CACNA2D3: variants seen among roughly 807,000 people sequenced by gnomAD.
CACNA2D3 encodes the protein voltage-dependent calcium channel subunit alpha-2/delta-3.
In CACNA2D3, 60 loss-of-function variants were observed where a neutral mutation model predicts 160.6. That is an observed-to-expected ratio of 0.37 (90% CI 0.30 to 0.46). CACNA2D3 has a LOEUF of 0.46. Ranked by LOEUF, CACNA2D3 falls within the 20% of genes least tolerant of loss-of-function variation. The probability of loss-of-function intolerance (pLI) is 1.00; values close to 1 mark genes in which losing one functional copy is unlikely to be tolerated. For synonymous variants in CACNA2D3, 558 were observed against 492.9 expected (o/e 1.13, Z -1.75); for missense variants, 1,205 against 1,365.0 (o/e 0.88, Z 1.85).
intron 13 of CACNA2D3, among the ~76,000 whole-genome samples, chr3:54,811,150 C>G (rs546562177): frequency 3.9e-5 from 6 of 152,300 alleles, no homozygotes; most frequent in African/African-American, 1.4e-4. Flanking sequence ...TTCCAGCTGC[C>G]TACCCTACAC....
intron 2 of CACNA2D3, among the ~76,000 whole-genome samples, chr3:54,226,460 G>A (rs776808583): frequency 5.9e-5 from 9 of 151,924 alleles, no homozygotes; most frequent in Middle Eastern, 3.4e-3. Flanking sequence ...GTGCCACCAC[G>A]TCCAGCTAAT....
intron 2 of CACNA2D3, among the ~76,000 whole-genome samples, chr3:54,162,714 C>A (rs980600183): frequency 6.6e-6 from 1 of 152,100 alleles, no homozygotes; most frequent in Non-Finnish European, 1.5e-5. Flanking sequence ...GAACTAATAA[C>A]CTAGTAGGGA....
In CACNA2D3 at chr3:54,813,079, C is replaced by T. The variant is rs1175954501; in HGVS notation, c.1381-3774C>T. ...ATGTGAAGTGTCACCTGAAATGTATCCTGCACCCAGCTTTTTCTCAGGAGT... is the reference window on the plus strand; with the variant it reads ...ATGTGAAGTGTCACCTGAAATGTATTCTGCACCCAGCTTTTTCTCAGGAGT... On this transcript the variant is annotated intron_variant, in intron 13 of 37. Transcript: ENST00000474759. Among the ~76,000 whole-genome samples, 6 of 152,206 alleles carry T rather than the reference C, an allele frequency of 3.9e-5. No homozygotes were observed. In the East Asian group the frequency reaches 9.6e-4, roughly 24 times the overall value.
intron 35 of CACNA2D3, among the ~76,000 whole-genome samples, chr3:55,042,802 C>T (rs964675698): frequency 6.6e-6 from 1 of 152,098 alleles, no homozygotes; most frequent in African/African-American, 2.4e-5. Flanking sequence ...TCAATCCATT[C>T]CCCCAACCAC....
intron 2 of CACNA2D3, among the ~76,000 whole-genome samples, chr3:54,262,509 C>G (rs1362319732): frequency 6.6e-6 from 1 of 151,774 alleles, no homozygotes; most frequent in Non-Finnish European, 1.5e-5. Flanking sequence ...GAGTTTTTAC[C>G]CATTGTTTCA....
In CACNA2D3 at chr3:54,583,624, C is replaced by G. The variant is rs1349317758; in HGVS notation, c.963+1747C>G. 5.3e-5 allele frequency among the ~76,000 whole-genome samples: 8 copies of G among 152,264 alleles called. No individual in the cohort carries two copies. In the East Asian group the frequency reaches 1.5e-3, roughly 29 times the overall value. On this transcript the variant is annotated intron_variant, in intron 9 of 37. Transcript: ENST00000474759. The stretch of plus-strand genomic sequence containing the variant: ...CATCCCTAATCTGAAAATCTGAAAT[C>G]CGCAATGCTCCAATGAGCATTTCCT...
intron 4 of CACNA2D3, among the ~76,000 whole-genome samples, chr3:54,463,999 C>G (rs932035926): frequency 6.6e-6 from 1 of 152,218 alleles, no homozygotes. Context: ...ATACAGGACC[C>G]TCAGCTGCAG....
At chr3:54,384,067 TC>T (rs1357065041) in intron 3 of CACNA2D3, among the ~76,000 whole-genome samples, 5 of 152,324 alleles carry the variant, frequency 3.3e-5, no homozygotes, top group Admixed American at 1.3e-4. Flanking sequence ...ATTATTTTCA[TC>T]CTGTTCTCTT....
chr3:54,181,614 AT>A, intron 2 of CACNA2D3, among the ~76,000 whole-genome samples: 1 of 152,270 alleles, frequency 6.6e-6, no homozygotes, highest in South Asian at 2.1e-4. Flanking sequence ...GACTTGCTTC[AT>A]TTTCACAGCT....
At chr3:54,288,536 A>G (rs1703095091) in intron 2 of CACNA2D3, among the ~76,000 whole-genome samples, 4 of 152,192 alleles carry the variant, frequency 2.6e-5, no homozygotes, top group Admixed American at 1.3e-4. Context: ...TATTCCAATC[A>G]ATAGAAAAAG....
intron 4 of CACNA2D3, among the ~76,000 whole-genome samples, chr3:54,464,947 A>C (rs1286346115): frequency 6.6e-6 from 1 of 151,900 alleles, no homozygotes; most frequent in African/African-American, 2.4e-5. Context: ...GCCTTTTCCC[A>C]TCTCTTCTCC....
intron 13 of CACNA2D3, among the ~76,000 whole-genome samples, chr3:54,804,348 A>G (rs1199283081): frequency 6.6e-5 from 10 of 152,040 alleles, no homozygotes; most frequent in Middle Eastern, 3.4e-3. Context: ...TCAAAATAAA[A>G]GGATGGAGGA....
chr3:54,419,199 C>T (rs1699801341), intron 4 of CACNA2D3, among the ~76,000 whole-genome samples: 2 of 152,210 alleles, frequency 1.3e-5, no homozygotes, highest in African/African-American at 2.4e-5. Context: ...CCTCTTTGGA[C>T]CCTGGTGGCC....
chr3:54,329,777 A>G (rs1025732077), intron 3 of CACNA2D3, among the ~76,000 whole-genome samples: 5 of 152,180 alleles, frequency 3.3e-5, no homozygotes, highest in Admixed American at 2.0e-4. Context: ...ATAATAAAAG[A>G]CCACTGTCTA....
At chr3:55,064,705 C>T (rs964579278) in intron 35 of CACNA2D3, among the ~76,000 whole-genome samples, 3 of 152,156 alleles carry the variant, frequency 2.0e-5, no homozygotes, top group African/African-American at 4.8e-5. Flanking sequence ...ACTGGTCACA[C>T]CCATAAAGCT....
At chr3:54,740,111 G>C (rs1023330354) in intron 11 of CACNA2D3, among the ~76,000 whole-genome samples, 1 of 151,980 alleles carries the variant, frequency 6.6e-6, no homozygotes, top group Non-Finnish European at 1.5e-5. Flanking sequence ...CAGCAGCAAG[G>C]AGAAAAGGAC....
At chr3:54,961,095 G>A (rs1702021150) in intron 27 of CACNA2D3, among the ~76,000 whole-genome samples, 1 of 152,170 alleles carries the variant, frequency 6.6e-6, no homozygotes, top group African/African-American at 2.4e-5. Flanking sequence ...TTAAACAAAC[G>A]TGGCTTGGGT....
intron 11 of CACNA2D3, among the ~76,000 whole-genome samples, chr3:54,730,796 C>G (rs1701369971): frequency 6.6e-6 from 1 of 152,168 alleles, no homozygotes; most frequent in Non-Finnish European, 1.5e-5. Flanking sequence ...AGCCACTGTG[C>G]CCGCCCGAAA....
At chr3:54,788,549 T>C (rs1702684949) in intron 13 of CACNA2D3, among the ~76,000 whole-genome samples, 1 of 152,210 alleles carries the variant, frequency 6.6e-6, no homozygotes, top group Non-Finnish European at 1.5e-5. Flanking sequence ...CTGGGGATAC[T>C]GAGGAACTGA....
Sources: allele counts gnomAD v4.1 joint callset (sites outside exome capture counted in the v4.1 genomes callset), GRCh38; gene constraint gnomAD v4.1.1; transcripts MANE v1.5; gene names NCBI Gene and HGNC (gene_info 2026-07-23, HGNC 2026-07-21).